The following ZNF131 variants were observed in gnomAD, a reference collection of about 807,000 sequenced individuals.
ZNF131 encodes zinc finger and BTB domain containing 35, also known as zinc finger protein 131.
In ZNF131, 7 loss-of-function variants were observed where a neutral mutation model predicts 60.0. That is an observed-to-expected ratio of 0.12 (90% CI 0.07 to 0.22). The LOEUF (loss-of-function observed/expected upper bound fraction) is 0.22. Ranked by LOEUF, ZNF131 falls within the 10% of genes least tolerant of loss-of-function variation. The probability of loss-of-function intolerance (pLI) is 1.00; values close to 1 mark genes in which losing one functional copy is unlikely to be tolerated. For synonymous variants in ZNF131, 257 were observed against 253.2 expected, an observed-to-expected ratio of 1.01 and a Z score of -0.14; for missense variants, 493 against 740.9, an observed-to-expected ratio of 0.67 and a Z score of 3.88.
chr5:43,130,330 A>T (rs1022352206), intron 3 of ZNF131, among the ~76,000 whole-genome samples: 1 of 151,656 alleles, frequency 6.6e-6, no homozygotes, highest in African/African-American at 2.4e-5. Flanking sequence ...ACAGAATCAA[A>T]AAGTTCTGGC....
At chr5:43,152,366 C>T (rs962210467) in intron 4 of ZNF131, among the ~76,000 whole-genome samples, 1 of 152,162 alleles carries the variant, frequency 6.6e-6, no homozygotes, top group African/African-American at 2.4e-5. Context: ...CTGTCCACCT[C>T]ATGGACTGAT....
At chr5:43,171,957 TG>T (rs1426364768) in intron 5 of ZNF131, among the ~76,000 whole-genome samples, 1 of 152,180 alleles carries the variant, frequency 6.6e-6, no homozygotes, top group Non-Finnish European at 1.5e-5. Flanking sequence ...GGTCTCACTA[TG>T]TTGCCCAGGC....
intron 5 of ZNF131, among the ~76,000 whole-genome samples, chr5:43,165,730 T>A (rs1750263827): frequency 6.6e-6 from 1 of 152,230 alleles, no homozygotes; most frequent in Non-Finnish European, 1.5e-5. Flanking sequence ...GGCTTTAACT[T>A]AAAGTCACCA....
At chr5:43,159,683 G>C (rs1447392747) in intron 4 of ZNF131, among the ~76,000 whole-genome samples, 1 of 123,496 alleles carries the variant, frequency 8.1e-6, no homozygotes, top group African/African-American at 3.0e-5. Context: ...CCACAAGAGA[G>C]ATACTCTGTC....
At chr5:43,167,154 G>A (rs1278739466) in intron 5 of ZNF131, among the ~76,000 whole-genome samples, 1 of 152,076 alleles carries the variant, frequency 6.6e-6, no homozygotes, top group Non-Finnish European at 1.5e-5. Context: ...GTGGGTTCAG[G>A]GCACCCCAAA....
At chr5:43,164,915 A>G (rs887074017) in intron 5 of ZNF131, among the ~76,000 whole-genome samples, 4 of 152,146 alleles carry the variant, frequency 2.6e-5, no homozygotes, top group African/African-American at 9.6e-5. Flanking sequence ...TATACTGGTA[A>G]TTAGTTCCAA....
rs59888761 is a variant in ZNF131, at chr5:43,175,719, T to TAAAA, written c.*598_*601dup. 0.26 allele frequency: 58,923 copies of TAAAA among 224,460 alleles called. 7,825 individuals are homozygous for TAAAA. Among genetic ancestry groups the TAAAA allele is most frequent in the Middle Eastern group, 0.35 (214 of 610 alleles). 13.9% of individuals were successfully genotyped at this position (224,460 alleles called of 1,614,324 possible). On this transcript the variant is annotated 3_prime_UTR_variant, in exon 7 of 7. Coordinates refer to ENST00000682664, the MANE Select transcript of ZNF131 (RefSeq NM_001330707.2). ...GGTGGTGGCAAAATTTCTAGAATGT[T>TAAAA]AAAAAAAAAAAAAAATCCACACCCA...
At chr5:43,174,249 G>C (rs572005234) in intron 6 of ZNF131, among the ~76,000 whole-genome samples, 198 bp from the exon 7 acceptor site, 3 of 152,276 alleles carry the variant, frequency 2.0e-5, no homozygotes, top group Non-Finnish European at 2.9e-5. Flanking sequence ...ATGTATTTAG[G>C]TTACTAGCTG....
At chr5:43,153,879 G>C (rs1197436709) in intron 4 of ZNF131, among the ~76,000 whole-genome samples, 1 of 152,168 alleles carries the variant, frequency 6.6e-6, no homozygotes, top group East Asian at 1.9e-4. Flanking sequence ...TGAGAAAGCT[G>C]TCGCCATACT....
chr5:43,128,392 C>T (rs891803457), intron 3 of ZNF131, among the ~76,000 whole-genome samples: 4 of 151,968 alleles, frequency 2.6e-5, no homozygotes, highest in South Asian at 2.1e-4. Flanking sequence ...CATGGTGGCT[C>T]ACGCCTGTAA....
intron 4 of ZNF131, 55 bp downstream of exon 4, chr5:43,139,364 G>C: frequency 6.9e-7 from 1 of 1,451,806 alleles, no homozygotes; most frequent in African/African-American, 1.4e-5. Context: ...TGTTCATTCT[G>C]TTAGTGAAGA....
intron 3 of ZNF131, among the ~76,000 whole-genome samples, chr5:43,136,476 CTTTTTTTTTTTTTTTTTT>C (rs70991484): frequency 5.7e-5 from 4 of 70,062 alleles, no homozygotes; most frequent in Admixed American, 2.0e-4. Context: ...AGGCATCATA[CTTTTTTTTTTTTTTTTTT>C]TTTTTTTTTT....
intron 3 of ZNF131, among the ~76,000 whole-genome samples, chr5:43,128,035 C>A (rs557721626): frequency 6.6e-6 from 1 of 152,132 alleles, no homozygotes; most frequent in Non-Finnish European, 1.5e-5. Context: ...GCAGGGATTC[C>A]CTGAGTCTAG....
rs1751471921 is a variant in ZNF131, at chr5:43,175,439, C to T, written c.*306C>T. 1 of 698,040 alleles carries T rather than the reference C, an allele frequency of 1.4e-6. No homozygotes were observed. The highest frequency in any genetic ancestry group is 2.6e-6 in the Non-Finnish European group (1 of 384,392). The allele number at this position is 698,040 out of a possible 1,614,324, so 43.2% of individuals were successfully genotyped here. On this transcript the variant is annotated 3_prime_UTR_variant, in exon 7 of 7. Coordinates refer to ENST00000682664, the MANE Select transcript of ZNF131 (RefSeq NM_001330707.2). ...TATTTTCATTGTGGTAAAAGTTCTT[C>T]CTTTTCTCTTTCCCAGGTCATGTTC...
chr5:43,138,050 T>C (rs1335874898), intron 3 of ZNF131, among the ~76,000 whole-genome samples: 2 of 152,090 alleles, frequency 1.3e-5, no homozygotes, highest in African/African-American at 2.4e-5. Flanking sequence ...CTCAAATAGA[T>C]TGAAAGAGTG....
intron 2 of ZNF131, 41 bp downstream of exon 2, chr5:43,122,218 AGTTTT>A: frequency 6.6e-7 from 1 of 1,521,568 alleles, no homozygotes; most frequent in Non-Finnish European, 8.8e-7. Context: ...TTTTGGCTTC[AGTTTT>A]TTTCTGTCCT....
chr5:43,165,491 C>T (rs1561443334), intron 5 of ZNF131, among the ~76,000 whole-genome samples: 2 of 152,196 alleles, frequency 1.3e-5, no homozygotes, highest in African/African-American at 4.8e-5. Context: ...TTGTACCTCT[C>T]CCTCTGAACT....
intron 4 of ZNF131, among the ~76,000 whole-genome samples, chr5:43,153,129 T>C (rs573710891): frequency 1.3e-5 from 2 of 152,294 alleles, no homozygotes; most frequent in African/African-American, 4.8e-5. Context: ...TGGGCTATTA[T>C]AAGTGAGTGT....
intron 4 of ZNF131, among the ~76,000 whole-genome samples, chr5:43,144,233 CTTTCTTTTTT>C (rs1212931481): frequency 3.3e-4 from 27 of 82,430 alleles, no homozygotes; most frequent in Non-Finnish European, 6.4e-4. Flanking sequence ...TTTTTTCTTT[CTTTCTTTTTT>C]TTTTTTTTTT....
Sources: gnomAD v4.1 joint callset for allele counts (sites outside exome capture counted in the v4.1 genomes callset) on GRCh38, gnomAD v4.1.1 for gene constraint, MANE v1.5 for transcripts, NCBI Gene and HGNC (gene_info 2026-07-23, HGNC 2026-07-21) for gene names.